FEM1B: variants seen among roughly 807,000 people sequenced by gnomAD.
The protein encoded by FEM1B is fem-1 homolog B.
A neutral mutation model predicts 38.6 loss-of-function variants in FEM1B; 10 were observed. The observed-to-expected ratio is 0.26, with a 90% CI of 0.16 to 0.44. FEM1B has a LOEUF of 0.44. Among genes scored for constraint, FEM1B ranks in the 20% least tolerant of loss-of-function variants. The pLI is 1.00. For synonymous variants in FEM1B, 288 were observed against 288.0 expected, an observed-to-expected ratio of 1.00 and a Z score of 0.00; for missense variants, 471 against 786.7, an observed-to-expected ratio of 0.60 and a Z score of 4.80.
rs932168843 is a variant in FEM1B, at chr15:68,289,297, C to G, written c.249-310C>G. 3.9e-6 allele frequency: 1 copy of G among 253,294 alleles called. No individual in the cohort carries two copies. Among genetic ancestry groups the G allele is most frequent in the African/African-American group, 2.2e-5 (1 of 44,706 alleles). 15.7% of individuals were successfully genotyped at this position (253,294 alleles called of 1,614,324 possible). A position where few individuals can be genotyped will look rare whatever the true frequency, so the allele number is the denominator to read the frequency against. On this transcript the variant is annotated intron_variant, in intron 1 of 1. Transcript: ENST00000306917. This position sits in a 1 kb window ranked among gnomAD's most constrained non-coding sequence, Gnocchi z 6.9. ...CTTGGTGATGAAGAAGCTACCTCCA[C>G]GCATTTCCTCTGTGCCTTCTGAAGT...
Position 68,291,285 on chromosome 15 carries a change from A to G in FEM1B, c.*43A>G. 1 of 1,425,490 alleles carries G rather than the reference A, an allele frequency of 7.0e-7. No homozygotes were observed. The highest frequency in any genetic ancestry group is 9.5e-7 in the Non-Finnish European group (1 of 1,048,588). The allele number at this position is 1,425,490 out of a possible 1,614,324, so 88.3% of individuals were successfully genotyped here. On this transcript the variant is annotated 3_prime_UTR_variant, in exon 2 of 2. Transcript: ENST00000306917. This position sits in a 1 kb window ranked among gnomAD's most constrained non-coding sequence, Gnocchi z 6.9. ...GTCGTTTAATGTGGTGCTAAAAAGT[A>G]AAGGACTTTTAATCACAGACAGTAG...
Position 68,278,077 on chromosome 15 carries a change from G to A in FEM1B, c.-341G>A. 1 of 251,116 alleles carries A rather than the reference G, an allele frequency of 4.0e-6. No homozygotes were observed. The allele number at this position is 251,116 out of a possible 1,614,324, so 15.6% of individuals were successfully genotyped here. On this transcript the variant is annotated 5_prime_UTR_variant, in exon 1 of 2. Coordinates refer to ENST00000306917, the MANE Select transcript of FEM1B (RefSeq NM_015322.5). The surrounding 1 kb of genome is among the most constrained non-coding windows in gnomAD (Gnocchi z 5.7). ...CGACCCGTAGCTCGGGCACGCGCCT[G>A]TCGCATCCCGCAGGAAGGAGGGGTC...
At position 68,277,820 on chromosome 15, in the gene FEM1B, T is replaced by G. The variant is rs116529867; in HGVS notation, c.-598T>G. 42,761 of 152,176 alleles carry G rather than the reference T, an allele frequency of 0.28. 6,461 individuals are homozygous for G. The highest frequency in any genetic ancestry group is 0.34 in the Non-Finnish European group (22,844 of 67,960). The allele number at this position is 152,176 out of a possible 1,614,324, so 9.4% of individuals were successfully genotyped here. ...TCCGGCGCCGCTCTTGCGGGAGCGTTCCGCATCGCCCCGGGGGCCCCTACG... is the reference window on the plus strand; with the variant it reads ...TCCGGCGCCGCTCTTGCGGGAGCGTGCCGCATCGCCCCGGGGGCCCCTACG... On this transcript the variant is annotated 5_prime_UTR_variant, in exon 1 of 2. Coordinates refer to ENST00000306917, the MANE Select transcript of FEM1B (RefSeq NM_015322.5).
Position 68,289,555 on chromosome 15 carries a change from T to C in FEM1B, c.249-52T>C. On this transcript the variant is annotated intron_variant, in intron 1 of 1. Transcript: ENST00000306917. This position sits in a 1 kb window ranked among gnomAD's most constrained non-coding sequence, Gnocchi z 6.9. Reference sequence around the variant, plus strand: ...TGGGAGTGAATACATCCCTTAAACATATGTTAGGCTGTGGCCTCTGTTATC... The same window carrying C: ...TGGGAGTGAATACATCCCTTAAACACATGTTAGGCTGTGGCCTCTGTTATC... 7.4e-7 allele frequency: 1 copy of C among 1,358,220 alleles called. No individual in the cohort carries two copies. Among genetic ancestry groups the C allele is most frequent in the Non-Finnish European group, 1.0e-6 (1 of 959,744 alleles). The allele number at this position is 1,358,220 out of a possible 1,614,324, so 84.1% of individuals were successfully genotyped here. A position where few individuals can be genotyped will look rare whatever the true frequency, so the allele number is the denominator to read the frequency against.
At position 68,293,630 on chromosome 15, in the gene FEM1B, G is replaced by A. The variant is rs561528969; in HGVS notation, c.*2388G>A. The stretch of plus-strand genomic sequence containing the variant: ...TGTTTGTTTAGTATAGTGGTAAATT[G>A]TGTAGTATCTTGCTGAGAATCTAAT... On this transcript the variant is annotated 3_prime_UTR_variant, in exon 2 of 2. Coordinates refer to ENST00000306917, the MANE Select transcript of FEM1B (RefSeq NM_015322.5). This position sits in a 1 kb window ranked among gnomAD's most constrained non-coding sequence, Gnocchi z 5.8. 3.3e-5 allele frequency: 5 copies of A among 152,286 alleles called. No individual in the cohort carries two copies. The highest frequency in any genetic ancestry group is 7.4e-5 in the Non-Finnish European group (5 of 68,004). The allele number at this position is 152,286 out of a possible 1,614,324, so 9.4% of individuals were successfully genotyped here.
At position 68,287,187 on chromosome 15, in the gene FEM1B, G is replaced by A. The variant is rs545378787; in HGVS notation, c.249-2420G>A. ...ATTACAGGCATAAGCCACCGCACCC[G>A]GCCTGATTCATTCTTTAGTTAAAAA... is the stretch of plus-strand genomic sequence containing the variant. On this transcript the variant is annotated intron_variant, in intron 1 of 1. Coordinates refer to ENST00000306917, the MANE Select transcript of FEM1B (RefSeq NM_015322.5). Among the ~76,000 whole-genome samples the A allele has an allele frequency of 3.9e-5, 6 of 152,132 alleles. 1 individual carries two copies. Among genetic ancestry groups the A allele is most frequent in the South Asian group, 2.1e-4 (1 of 4,808 alleles).
chr15:68,282,540 T>G (rs1335437879), intron 1 of FEM1B, among the ~76,000 whole-genome samples: 1 of 152,218 alleles, frequency 6.6e-6, no homozygotes, highest in Non-Finnish European at 1.5e-5. Context: ...AGCCTTGTGA[T>G]CAGAAATGTT....
Position 68,291,319 on chromosome 15 carries a change from G to T in FEM1B, c.*77G>T, listed in dbSNP as rs1312481156. 20 of 1,136,734 alleles carry T rather than the reference G, an allele frequency of 1.8e-5. No individual in the cohort carries two copies. The highest frequency in any genetic ancestry group is 2.3e-5 in the Non-Finnish European group (18 of 799,778). The allele number at this position is 1,136,734 out of a possible 1,614,324, so 70.4% of individuals were successfully genotyped here. ...TTAATCACAGACAGTAGAATTATGT[G>T]TTCATAAATTCTGCTTTTCTTTCCA... On this transcript the variant is annotated 3_prime_UTR_variant, in exon 2 of 2. Transcript: ENST00000306917. The surrounding 1 kb of genome is among the most constrained non-coding windows in gnomAD (Gnocchi z 6.9).
Position 68,278,770 on chromosome 15 carries a change from A to G in FEM1B, c.248+105A>G. ...TTACCCTCTCTTCATGTAGGTACTC[A>G]CTTCTCCCCTTTTTGTACCACCTCC... is the stretch of plus-strand genomic sequence containing the variant. On this transcript the variant is annotated intron_variant, in intron 1 of 1. Transcript: ENST00000306917. The surrounding 1 kb of genome is among the most constrained non-coding windows in gnomAD (Gnocchi z 5.7). 2 of 1,321,852 alleles carry G rather than the reference A, an allele frequency of 1.5e-6. No individual in the cohort carries two copies. The highest frequency in any genetic ancestry group is 2.1e-6 in the Non-Finnish European group (2 of 944,240). The allele number at this position is 1,321,852 out of a possible 1,614,324, so 81.9% of individuals were successfully genotyped here.
intron 1 of FEM1B, among the ~76,000 whole-genome samples, chr15:68,282,790 G>T (rs1454553555): frequency 6.6e-6 from 1 of 151,950 alleles, no homozygotes; most frequent in Non-Finnish European, 1.5e-5. Context: ...ATTTTGTTTT[G>T]AGGCAGTATA....
In FEM1B at chr15:68,278,365, G is replaced by T. The variant is rs1892686179; in HGVS notation, c.-53G>T. On this transcript the variant is annotated 5_prime_UTR_variant, in exon 1 of 2. Transcript: ENST00000306917. The surrounding 1 kb of genome is among the most constrained non-coding windows in gnomAD (Gnocchi z 5.7). ...GCTGGCGAACGCGGCCTCCGGGGGCGCACGGCAGCTGCAGCGGTGGCGACC... is the reference window on the plus strand; with the variant it reads ...GCTGGCGAACGCGGCCTCCGGGGGCTCACGGCAGCTGCAGCGGTGGCGACC... 8 of 1,569,846 alleles carry T rather than the reference G, an allele frequency of 5.1e-6. No homozygotes were observed. The South Asian group carries it at 9.2e-5, about 18-fold the overall frequency.
In FEM1B at chr15:68,294,375, CTAA is replaced by C. The variant is rs1892880817; in HGVS notation, c.*3138_*3140del. The C allele has an allele frequency of 6.6e-6, 1 of 152,028 alleles. No homozygotes were observed. The highest frequency in any genetic ancestry group is 2.1e-4 in the South Asian group (1 of 4,824). The allele number at this position is 152,028 out of a possible 1,614,324, so 9.4% of individuals were successfully genotyped here. ...TTTATTTCATTATACTAATAGTGGA[CTAA>C]TAATTGGTAATTGTGAGAACTTAGG... On this transcript the variant is annotated 3_prime_UTR_variant, in exon 2 of 2. Coordinates refer to ENST00000306917, the MANE Select transcript of FEM1B (RefSeq NM_015322.5). The surrounding 1 kb of genome is among the most constrained non-coding windows in gnomAD (Gnocchi z 4.4).
In FEM1B at chr15:68,292,878, G is replaced by A. The variant is rs541893848; in HGVS notation, c.*1636G>A. 8.5e-5 allele frequency: 13 copies of A among 152,178 alleles called. No homozygotes were observed. The South Asian group carries it at 2.3e-3, about 27-fold the overall frequency. 9.4% of individuals were successfully genotyped at this position (152,178 alleles called of 1,614,324 possible). ...TTTGAAGGATGGGAGGGGACAGAAG[G>A]GGGGACTATCCCCCAAGGATGCAAG... On this transcript the variant is annotated 3_prime_UTR_variant, in exon 2 of 2. Transcript: ENST00000306917.
rs1892900414 is a variant in FEM1B, at chr15:68,295,762, TG to T, written c.*4522del. The T allele has an allele frequency of 6.6e-6, 1 of 152,236 alleles. No individual in the cohort carries two copies. The highest frequency in any genetic ancestry group is 1.5e-5 in the Non-Finnish European group (1 of 68,042). 9.4% of individuals were successfully genotyped at this position (152,236 alleles called of 1,614,324 possible). On this transcript the variant is annotated 3_prime_UTR_variant, in exon 2 of 2. Coordinates refer to ENST00000306917, the MANE Select transcript of FEM1B (RefSeq NM_015322.5). ...ACATGTAGAGTCATTTTTAGTTTCA[TG>T]GCAATTGACAGTCCTAATAACTCAG...
Position 68,278,067 on chromosome 15 carries a change from G to A in FEM1B, c.-351G>A. 1 of 235,776 alleles carries A rather than the reference G, an allele frequency of 4.2e-6. No individual in the cohort carries two copies. 14.6% of individuals were successfully genotyped at this position (235,776 alleles called of 1,614,324 possible). On this transcript the variant is annotated 5_prime_UTR_variant, in exon 1 of 2. Transcript: ENST00000306917. The surrounding 1 kb of genome is among the most constrained non-coding windows in gnomAD (Gnocchi z 5.7). ...ACCCGGCCGGCGACCCGTAGCTCGG[G>A]CACGCGCCTGTCGCATCCCGCAGGA...
At chr15:68,282,028 G>A (rs1398089381) in intron 1 of FEM1B, among the ~76,000 whole-genome samples, 1 of 152,182 alleles carries the variant, frequency 6.6e-6, no homozygotes, top group Non-Finnish European at 1.5e-5. Flanking sequence ...GAGTGGGAAT[G>A]AAAGAAGATC....
intron 1 of FEM1B, among the ~76,000 whole-genome samples, chr15:68,283,646 C>T (rs1014769134): frequency 6.6e-6 from 1 of 151,796 alleles, no homozygotes; most frequent in African/African-American, 2.4e-5. Context: ...TGTACTTAGC[C>T]GGTACAACAG....
In FEM1B at chr15:68,291,424, T is replaced by G; in HGVS notation, c.*182T>G. ...CATGGTAATTGATTTCAGACAGACT[T>G]TAACAAAACCACATTGTTTTGGTGT... is the stretch of plus-strand genomic sequence containing the variant. On this transcript the variant is annotated 3_prime_UTR_variant, in exon 2 of 2. Coordinates refer to ENST00000306917, the MANE Select transcript of FEM1B (RefSeq NM_015322.5). The surrounding 1 kb of genome is among the most constrained non-coding windows in gnomAD (Gnocchi z 6.9). 1.8e-6 allele frequency: 1 copy of G among 541,420 alleles called. No homozygotes were observed. The highest frequency in any genetic ancestry group is 2.9e-5 in the South Asian group (1 of 34,038). 33.5% of individuals were successfully genotyped at this position (541,420 alleles called of 1,614,324 possible).
Position 68,291,411 on chromosome 15 carries a change from T to C in FEM1B, c.*169T>C. ...GTTTTTCTTGCCTCATGGTAATTGA[T>C]TTCAGACAGACTTTAACAAAACCAC... On this transcript the variant is annotated 3_prime_UTR_variant, in exon 2 of 2. Transcript: ENST00000306917. This position sits in a 1 kb window ranked among gnomAD's most constrained non-coding sequence, Gnocchi z 6.9. 1 of 561,660 alleles carries C rather than the reference T, an allele frequency of 1.8e-6. No homozygotes were observed. Among genetic ancestry groups the C allele is most frequent in the Non-Finnish European group, 3.1e-6 (1 of 324,946 alleles). 34.8% of individuals were successfully genotyped at this position (561,660 alleles called of 1,614,324 possible). A position where few individuals can be genotyped will look rare whatever the true frequency, so the allele number is the denominator to read the frequency against.
Sources: gnomAD v4.1 joint callset for allele counts (sites outside exome capture counted in the v4.1 genomes callset) on GRCh38, gnomAD v4.1.1 for gene constraint, Gnocchi (gnomAD v3.1) non-coding constraint, MANE v1.5 for transcripts, NCBI Gene and HGNC (gene_info 2026-07-23, HGNC 2026-07-21) for gene names.